The following TRIO variants were observed in gnomAD, a reference collection of about 807,000 sequenced individuals.
TRIO encodes trio Rho guanine nucleotide exchange factor, also known as triple functional domain protein.
A neutral mutation model predicts 351.9 loss-of-function variants in TRIO; 58 were observed. The observed-to-expected ratio is 0.16, with a 90% CI of 0.13 to 0.21. The LOEUF (loss-of-function observed/expected upper bound fraction) is 0.21, where lower values mean the gene tolerates loss of function less well. Ranked by LOEUF, TRIO falls within the 10% of genes least tolerant of loss-of-function variation. The pLI is 1.00. For synonymous variants in TRIO, 1,758 were observed against 1,595.7 expected, an observed-to-expected ratio of 1.10 and a Z score of -2.42; for missense variants, 3,201 against 4,027.8, an observed-to-expected ratio of 0.79 and a Z score of 5.56.
At chr5:14,460,971 G>T in intron 34 of TRIO, 48 bp from the exon 35 acceptor site, 3 of 1,473,350 alleles carry the variant, frequency 2.0e-6, no homozygotes, top group Non-Finnish European at 2.7e-6. Context: ...TCTTCACACC[G>T]GAGGGTCTGT....
intron 1 of TRIO, among the ~76,000 whole-genome samples, chr5:14,169,112 G>A (rs1481863366): frequency 6.6e-6 from 1 of 151,916 alleles, no homozygotes; most frequent in African/African-American, 2.4e-5. Flanking sequence ...CTTTGTGTTG[G>A]ACAGAATTAA....
chr5:14,406,003 G>T lies in TRIO; in HGVS notation c.4859+13G>T, dbSNP rs1748681139. ...AGAAGGGAAGGAGGTGCGTGTCTGG[G>T]CGCCACTGGAGGTTTGTGGATGTGG... is the stretch of plus-strand genomic sequence containing the variant. On this transcript the variant is annotated intron_variant, in intron 32 of 56. Coordinates refer to ENST00000344204, the MANE Select transcript of TRIO (RefSeq NM_007118.4). 1 of 1,611,690 alleles carries T rather than the reference G, an allele frequency of 6.2e-7. No homozygotes were observed. The highest frequency in any genetic ancestry group is 1.7e-5 in the Admixed American group (1 of 59,942).
intron 1 of TRIO, among the ~76,000 whole-genome samples, chr5:14,154,498 T>C (rs964033816): frequency 6.6e-6 from 1 of 152,140 alleles, no homozygotes; most frequent in African/African-American, 2.4e-5. Context: ...AGATGATATT[T>C]AGTTGGGGGA....
rs145632245 is a variant in TRIO at position 14,331,152 on chromosome 5, A to G, written c.1854+252A>G. On this transcript the variant is annotated intron_variant, in intron 10 of 56. Transcript: ENST00000344204. ...CTTGGGTGTTTTTGTCTTGTTTATT[A>G]TACCAGTGCCTTTTGACTACTTTGT... Among the ~76,000 whole-genome samples, 9 of 152,364 alleles carry G rather than the reference A, an allele frequency of 5.9e-5. No individual in the cohort carries two copies. The East Asian group carries it at 1.7e-3, about 29-fold the overall frequency.
chr5:14,274,802 T>C (rs541063885), intron 2 of TRIO, among the ~76,000 whole-genome samples: 286 of 152,312 alleles, frequency 1.9e-3, no homozygotes, highest in African/African-American at 6.6e-3. Context: ...TTTTCTCTCT[T>C]ATGAAGTTAA....
intron 21 of TRIO, among the ~76,000 whole-genome samples, chr5:14,384,133 G>A (rs146883042): frequency 1.3e-5 from 2 of 152,264 alleles, no homozygotes; most frequent in East Asian, 1.9e-4. Context: ...ACCTAGTGAC[G>A]TAGGCTCTCT....
In TRIO at chr5:14,389,278, C is replaced by G. The variant is rs567528373; in HGVS notation, c.3949-11C>G. On this transcript the variant is annotated splice_polypyrimidine_tract_variant and intron_variant, in intron 24 of 56. Transcript: ENST00000344204. ...TTATTTTTGTCTAATCCCTGTTTCC[C>G]TCTCGGCTAGACGTACCTGTGGGAA... is the stretch of plus-strand genomic sequence containing the variant. 3.1e-6 allele frequency: 5 copies of G among 1,588,062 alleles called. No homozygotes were observed. The African/African-American group carries it at 5.5e-5, about 17-fold the overall frequency.
intron 34 of TRIO, among the ~76,000 whole-genome samples, chr5:14,454,398 T>G (rs896601736): frequency 7.2e-5 from 11 of 152,232 alleles, no homozygotes; most frequent in African/African-American, 2.7e-4. Flanking sequence ...GTTGCCTTAT[T>G]TGCTTTGAAT....
intron 1 of TRIO, among the ~76,000 whole-genome samples, chr5:14,223,433 C>G (rs1209659952): frequency 6.6e-6 from 1 of 152,158 alleles, no homozygotes; most frequent in African/African-American, 2.4e-5. Context: ...CTCTCCTTCC[C>G]CATAGGAGGC....
In TRIO at chr5:14,406,656, C is replaced by T. The variant is rs1240418711; in HGVS notation, c.4943C>T (p.Thr1648Met). 3.1e-6 allele frequency: 5 copies of T among 1,613,924 alleles called. No homozygotes were observed. Among genetic ancestry groups the T allele is most frequent in the East Asian group, 2.2e-5 (1 of 44,864 alleles). Residue 1648 changes from threonine to methionine, a missense_variant, in exon 33 of 57, where the codon ACG becomes ATG. Physicochemically the swap from Thr to Met is moderately conservative, Grantham distance 81 (BLOSUM62 -1). Coordinates refer to ENST00000344204, the MANE Select transcript of TRIO (RefSeq NM_007118.4). ...ATCGCCTCACGGACGTCTCAGAACA[C>T]GCTGGACAGCGATAAGGTGAGTCAC... ...ISIASRTSQN[T>M]LDSDKLSGGC...
chr5:14,443,094 A>C (rs1176474644), intron 34 of TRIO, among the ~76,000 whole-genome samples: 1 of 152,130 alleles, frequency 6.6e-6, no homozygotes, highest in Non-Finnish European at 1.5e-5. Flanking sequence ...TCGCTTTTTA[A>C]AGTACTAGAG....
chr5:14,480,125 A>G (rs778390707), intron 43 of TRIO, 114 bp downstream of exon 43: 4 of 916,506 alleles, frequency 4.4e-6, no homozygotes, highest in East Asian at 2.7e-5. Flanking sequence ...TGTAACAGGT[A>G]TATTATTTCT....
intron 29 of TRIO, among the ~76,000 whole-genome samples, 181 bp from the exon 30 acceptor site, chr5:14,398,699 A>C (rs373025570): frequency 2.0e-5 from 3 of 152,366 alleles, no homozygotes; most frequent in South Asian, 4.1e-4. Flanking sequence ...GTGGTGTGTT[A>C]GGAAGAATTA....
rs145376747 is a variant in TRIO, at chr5:14,340,879, G to C, written c.2046+4152G>C. Among the ~76,000 whole-genome samples, 8 of 152,304 alleles carry C rather than the reference G, an allele frequency of 5.3e-5. No homozygotes were observed. The East Asian group carries it at 9.6e-4, about 18-fold the overall frequency. On this transcript the variant is annotated intron_variant, in intron 11 of 56. Coordinates refer to ENST00000344204, the MANE Select transcript of TRIO (RefSeq NM_007118.4). ...GACAAATATTTTCTACCTCGAGGTA[G>C]AATGCAGCAGGTGGTTGATAGAAAT...
At chr5:14,488,938 C>T (rs1756262711) in intron 48 of TRIO, 2 of 763,844 alleles carry the variant, frequency 2.6e-6, no homozygotes, top group Non-Finnish European at 4.8e-6. Flanking sequence ...TGGCCCATCA[C>T]TCATGCTGCC....
chr5:14,403,453 T>TG (rs1748348519), intron 31 of TRIO, among the ~76,000 whole-genome samples: 2 of 30,454 alleles, frequency 6.6e-5, no homozygotes, highest in African/African-American at 1.3e-4. Flanking sequence ...GGGTGTAGGT[T>TG]GTGGTGAGGG....
In TRIO at chr5:14,481,594, C is replaced by T. The variant is rs777555501; in HGVS notation, c.6441C>T (p.Asn2147=). The change falls in exon 45 of 57, where the codon AAC becomes AAT. Residue 2147 remains asparagine, a synonymous_variant. Coordinates refer to ENST00000344204, the MANE Select transcript of TRIO (RefSeq NM_007118.4). ...IVPRRCNDMM[N]VGRLQGFDGK... ...CCAGGCGGTGCAACGACATGATGAA[C>T]GTGGGGCGGCTGCAAGGATTCGACG... is the stretch of plus-strand genomic sequence containing the variant. 7.4e-6 allele frequency: 12 copies of T among 1,614,016 alleles called. No individual in the cohort carries two copies. Among genetic ancestry groups the T allele is most frequent in the East Asian group, 2.2e-5 (1 of 44,876 alleles).
chr5:14,444,559 T>C (rs1752299669), intron 34 of TRIO, among the ~76,000 whole-genome samples: 1 of 152,226 alleles, frequency 6.6e-6, no homozygotes, highest in Non-Finnish European at 1.5e-5. Context: ...ATAATCTCGC[T>C]GAGCTGCAGT....
intron 2 of TRIO, among the ~76,000 whole-genome samples, chr5:14,273,957 T>G (rs1245113937): frequency 6.6e-6 from 1 of 152,240 alleles, no homozygotes; most frequent in Non-Finnish European, 1.5e-5. Context: ...TTCATCTATA[T>G]TTCCACTTAG....
Sources: allele counts gnomAD v4.1 joint callset (sites outside exome capture counted in the v4.1 genomes callset), GRCh38; gene constraint gnomAD v4.1.1; transcripts MANE v1.5; gene names NCBI Gene and HGNC (gene_info 2026-07-23, HGNC 2026-07-21).